EPHB1: variants seen among roughly 807,000 people sequenced by gnomAD.
EPHB1 encodes the protein EPH receptor B1, also known as ephrin type-B receptor 1.
EPHB1 carries 30 observed loss-of-function variants against 94.4 expected under a neutral mutation model. The observed-to-expected ratio is 0.32, with a 90% CI of 0.24 to 0.43. EPHB1 has a LOEUF of 0.43. Ranked by LOEUF, EPHB1 falls within the 20% of genes least tolerant of loss-of-function variation. The pLI, the probability that EPHB1 is intolerant of heterozygous loss-of-function variation, is 1.00. For missense variants in EPHB1, 1,055 were observed against 1,308.3 expected (o/e 0.81, Z 2.99); for synonymous variants, 522 against 489.1 (o/e 1.07, Z -0.89).
chr3:134,969,701 C>A (rs1336547562), intron 3 of EPHB1, among the ~76,000 whole-genome samples: 1 of 152,072 alleles, frequency 6.6e-6, no homozygotes, highest in African/African-American at 2.4e-5. Context: ...AAAAATCAGA[C>A]TTGAAATCAA....
At chr3:134,926,395 A>G (rs1397835141) in intron 2 of EPHB1, among the ~76,000 whole-genome samples, 1 of 152,178 alleles carries the variant, frequency 6.6e-6, no homozygotes, top group African/African-American at 2.4e-5. Context: ...GGCACTGGAG[A>G]TCAACAGGTA....
chr3:134,920,182 C>A (rs994794034), intron 1 of EPHB1, among the ~76,000 whole-genome samples: 1 of 152,082 alleles, frequency 6.6e-6, no homozygotes, highest in Non-Finnish European at 1.5e-5. Context: ...CACTCCCTTC[C>A]CCCAGTCTCC....
chr3:135,243,074 C>CAAAAAAAAAAAAAAAAA (rs397933477), intron 13 of EPHB1, among the ~76,000 whole-genome samples: 2 of 98,370 alleles, frequency 2.0e-5, no homozygotes, highest in African/African-American at 4.1e-5. Flanking sequence ...GACCCTGTCT[C>CAAAAAAAAAAAAAAAAA]AAAAAAAAAA....
At chr3:135,141,523 T>C (rs1427231705) in intron 5 of EPHB1, among the ~76,000 whole-genome samples, 1 of 152,114 alleles carries the variant, frequency 6.6e-6, no homozygotes, top group African/African-American at 2.4e-5. Context: ...GGCTGGTCTT[T>C]GTTTGCAGGA....
At chr3:135,100,682 G>A (rs970745108) in intron 3 of EPHB1, among the ~76,000 whole-genome samples, 1 of 152,156 alleles carries the variant, frequency 6.6e-6, no homozygotes, top group Non-Finnish European at 1.5e-5. Context: ...TGTGTGCAGG[G>A]ACAGGAGGAG....
intron 12 of EPHB1, among the ~76,000 whole-genome samples, chr3:135,223,398 G>A (rs1291374361): frequency 2.0e-5 from 3 of 152,188 alleles, no homozygotes; most frequent in Non-Finnish European, 2.9e-5. Context: ...TTTCAAACAA[G>A]TTTTGCCAAC....
At chr3:134,996,884 A>G (rs1239710010) in intron 3 of EPHB1, among the ~76,000 whole-genome samples, 1 of 152,038 alleles carries the variant, frequency 6.6e-6, no homozygotes, top group Non-Finnish European at 1.5e-5. Context: ...TTTGAGTGTC[A>G]TAATTTGTTT....
intron 12 of EPHB1, among the ~76,000 whole-genome samples, chr3:135,227,902 AT>A (rs1943438353): frequency 6.6e-6 from 1 of 151,596 alleles, no homozygotes; most frequent in Non-Finnish European, 1.5e-5. Flanking sequence ...TCTGTAAAAT[AT>A]TTTTTCTGAA....
At chr3:135,213,182 C>T (rs1943070582) in intron 12 of EPHB1, among the ~76,000 whole-genome samples, 1 of 152,132 alleles carries the variant, frequency 6.6e-6, no homozygotes, top group South Asian at 2.1e-4. Context: ...TTTTAGATCG[C>T]TATTTCTAGC....
In EPHB1 at chr3:135,202,900, A is replaced by G. The variant is rs755443308; in HGVS notation, c.2346+1211A>G. Among the ~76,000 whole-genome samples the G allele has an allele frequency of 2.3e-4, 35 of 152,348 alleles. 1 individual carries two copies. The highest frequency in any genetic ancestry group is 4.1e-4 in the Non-Finnish European group (28 of 68,034). On this transcript the variant is annotated intron_variant, in intron 12 of 15. Transcript: ENST00000398015. The stretch of plus-strand genomic sequence containing the variant: ...TACCCAAAGGATTAAAAATCATTCT[A>G]CTATAAAGACACATGCACATGTATG...
rs142888038 is a variant in EPHB1, at chr3:135,235,915, T to C, written c.2347-5233T>C. On this transcript the variant is annotated intron_variant, in intron 12 of 15. Coordinates refer to ENST00000398015, the MANE Select transcript of EPHB1 (RefSeq NM_004441.5). ...TGTGGTTAATCGAGGGGCTTTGATA[T>C]AAAGTGTTGGAGCTATCCCTCACTC... is the stretch of plus-strand genomic sequence containing the variant. 4.4e-3 allele frequency among the ~76,000 whole-genome samples: 665 copies of C among 152,286 alleles called. 8 individuals carry two copies. Among genetic ancestry groups the C allele is most frequent in the African/African-American group, 0.015 (636 of 41,566 alleles).
chr3:134,882,761 C>CTTTCTTTCTTTCTTTCTTTCTTTCTTTCT (rs59448814), intron 1 of EPHB1, among the ~76,000 whole-genome samples: 12 of 31,258 alleles, frequency 3.8e-4, no homozygotes, highest in African/African-American at 8.2e-4. Context: ...TTTCTTCCTT[C>CTTTCTTTCTTTCTTTCTTTCTTTCTTTCT]CTTCCTTTCT....
rs150260919 is a variant in EPHB1, at chr3:134,925,034, A to C, written c.59-782A>C. 1.8e-4 allele frequency among the ~76,000 whole-genome samples: 28 copies of C among 152,344 alleles called. 1 individual carries two copies. The East Asian group carries it at 5.4e-3, about 29-fold the overall frequency. ...CTGGTGTACATATATATCAAAATGT[A>C]TCAAATCATACATTTTAAATATGTG... is the stretch of plus-strand genomic sequence containing the variant. On this transcript the variant is annotated intron_variant, in intron 1 of 15. Transcript: ENST00000398015.
At chr3:135,139,333 A>G (rs542534008) in intron 5 of EPHB1, among the ~76,000 whole-genome samples, 5 of 152,314 alleles carry the variant, frequency 3.3e-5, no homozygotes, top group African/African-American at 1.2e-4. Context: ...AAGAGACTCA[A>G]CCACTCTCAA....
chr3:135,169,517 G>C (rs1050045942), intron 9 of EPHB1, among the ~76,000 whole-genome samples: 1 of 152,170 alleles, frequency 6.6e-6, no homozygotes, highest in African/African-American at 2.4e-5. Flanking sequence ...GCATTTGTGC[G>C]TTTACTCCTG....
At chr3:135,246,367 C>G (rs1159966912) in intron 13 of EPHB1, among the ~76,000 whole-genome samples, 1 of 152,072 alleles carries the variant, frequency 6.6e-6, no homozygotes, top group African/African-American at 2.4e-5. Flanking sequence ...GGTTTGTGAG[C>G]CAGGCTGATG....
intron 4 of EPHB1, among the ~76,000 whole-genome samples, chr3:135,113,905 A>G (rs1939568217): frequency 6.6e-6 from 1 of 152,234 alleles, no homozygotes; most frequent in Non-Finnish European, 1.5e-5. Context: ...CTCTTAAAAT[A>G]TAGCAGCCAG....
intron 3 of EPHB1, among the ~76,000 whole-genome samples, chr3:135,057,266 G>A (rs1183287579): frequency 6.6e-6 from 1 of 152,128 alleles, no homozygotes; most frequent in African/African-American, 2.4e-5. Flanking sequence ...AGGAGAAAGA[G>A]AAGAAGTCAC....
chr3:135,136,741 G>A (rs568225759), intron 5 of EPHB1, among the ~76,000 whole-genome samples: 1 of 152,310 alleles, frequency 6.6e-6, no homozygotes, highest in Non-Finnish European at 1.5e-5. Flanking sequence ...CTAAGCTGTT[G>A]CCACATTGCT....
Sources: allele counts gnomAD v4.1 joint callset (sites outside exome capture counted in the v4.1 genomes callset), GRCh38; gene constraint gnomAD v4.1.1; transcripts MANE v1.5; gene names NCBI Gene and HGNC (gene_info 2026-07-23, HGNC 2026-07-21).